Variants in TFCP2 observed in about 807,000 individuals in gnomAD.
The protein encoded by TFCP2 is transcription factor CP2.
In TFCP2, 33 loss-of-function variants were observed where a neutral mutation model predicts 73.4. That is an observed-to-expected ratio of 0.45 (90% CI 0.34 to 0.60). The LOEUF (loss-of-function observed/expected upper bound fraction) is 0.60, where lower values mean the gene tolerates loss of function less well. Ranked by LOEUF, TFCP2 falls within the 20% of genes least tolerant of loss-of-function variation. The pLI, the probability that TFCP2 is intolerant of heterozygous loss-of-function variation, is 0.01. For missense variants in TFCP2, 352 were observed against 604.0 expected (o/e 0.58, Z 4.37); for synonymous variants, 193 against 211.6 (o/e 0.91, Z 0.76).
intron 1 of TFCP2, among the ~76,000 whole-genome samples, chr12:51,166,919 C>T (rs1941768869): frequency 6.6e-6 from 1 of 152,164 alleles, no homozygotes; most frequent in South Asian, 2.1e-4. Flanking sequence ...TCATCACAAA[C>T]AATTTTAGAA....
chr12:51,117,047 A>G (rs1940545429), intron 3 of TFCP2, among the ~76,000 whole-genome samples: 1 of 152,066 alleles, frequency 6.6e-6, no homozygotes, highest in Non-Finnish European at 1.5e-5. Flanking sequence ...CTGTTATACC[A>G]CGGCCTATCT....
intron 1 of TFCP2, among the ~76,000 whole-genome samples, chr12:51,171,598 G>C (rs1241654049): frequency 6.6e-6 from 1 of 151,662 alleles, no homozygotes; most frequent in Admixed American, 6.6e-5. Flanking sequence ...CGATGGTCTC[G>C]AACTCCTGAG....
chr12:51,167,359 A>G (rs746818077), intron 1 of TFCP2, among the ~76,000 whole-genome samples: 28 of 151,600 alleles, frequency 1.8e-4, no homozygotes, highest in Non-Finnish European at 3.2e-4. Context: ...CAAAGAGAGT[A>G]TTTTCCCTAA....
At chr12:51,106,162 C>G (rs1940234323) in intron 8 of TFCP2, among the ~76,000 whole-genome samples, 1 of 152,024 alleles carries the variant, frequency 6.6e-6, no homozygotes. Flanking sequence ...TCCCAAAGAC[C>G]ACTGTCTGGT....
intron 1 of TFCP2, among the ~76,000 whole-genome samples, chr12:51,121,787 C>T (rs1566210452): frequency 6.6e-6 from 1 of 151,946 alleles, no homozygotes; most frequent in African/African-American, 2.4e-5. Context: ...GTTAACATTC[C>T]CCATGTTCAA....
At chr12:51,161,706 T>C (rs1228235176) in intron 1 of TFCP2, among the ~76,000 whole-genome samples, 1 of 138,626 alleles carries the variant, frequency 7.2e-6, no homozygotes, top group Non-Finnish European at 1.5e-5. Flanking sequence ...ATAATAATAA[T>C]TTTTTTTCTT....
rs1189395512 is a variant in TFCP2, at chr12:51,096,152, A to T, written c.1420-112T>A. Reference sequence around the variant, plus strand: ...GAGGGATTTATATGGGAGGCTTTACAGGTCACAAATAATGTATTTCTTGAA... The same window carrying T: ...GAGGGATTTATATGGGAGGCTTTACTGGTCACAAATAATGTATTTCTTGAA... On this transcript the variant is annotated intron_variant, in intron 13 of 14. Coordinates refer to ENST00000257915, the MANE Select transcript of TFCP2 (RefSeq NM_005653.5). The T allele has an allele frequency of 3.9e-6, 3 of 769,144 alleles. No individual in the cohort carries two copies. In the Admixed American group the frequency reaches 7.6e-5, roughly 19 times the overall value. The allele number at this position is 769,144 out of a possible 1,614,324, so 47.6% of individuals were successfully genotyped here.
chr12:51,132,301 TAAC>T (rs1362744193), intron 1 of TFCP2, among the ~76,000 whole-genome samples: 2 of 144,056 alleles, frequency 1.4e-5, no homozygotes, highest in Non-Finnish European at 3.0e-5. Flanking sequence ...TAACTTGCTT[TAAC>T]AACAAGAATG....
chr12:51,155,175 G>A (rs1941512122), intron 1 of TFCP2, among the ~76,000 whole-genome samples: 1 of 152,194 alleles, frequency 6.6e-6, no homozygotes. Flanking sequence ...ACTTACACCA[G>A]TAGCCTCTCA....
rs1009854726 is a variant in TFCP2, at chr12:51,172,633, C to G, written c.-211G>C. 130 of 565,348 alleles carry G rather than the reference C, an allele frequency of 2.3e-4. 1 individual carries two copies. The East Asian group carries it at 4.2e-3, about 18-fold the overall frequency. The allele number at this position is 565,348 out of a possible 1,614,324, so 35.0% of individuals were successfully genotyped here. On this transcript the variant is annotated 5_prime_UTR_variant, in exon 1 of 15. Transcript: ENST00000257915. ...TGCTCGTTCTTGGCTGCCCCAGGTT[C>G]CAAAATCCCCCCTGCCCAGCTCTCA...
intron 8 of TFCP2, among the ~76,000 whole-genome samples, chr12:51,105,323 A>G (rs991078459): frequency 1.1e-4 from 16 of 151,776 alleles, no homozygotes; most frequent in Non-Finnish European, 2.4e-4. Context: ...CGAACTCCTG[A>G]CATCGTAATC....
At chr12:51,161,547 G>A (rs906379110) in intron 1 of TFCP2, among the ~76,000 whole-genome samples, 32 of 151,828 alleles carry the variant, frequency 2.1e-4, no homozygotes, top group African/African-American at 6.8e-4. Flanking sequence ...GGGCATGGTG[G>A]TGCATGCCTG....
chr12:51,162,372 G>A (rs1941667022), intron 1 of TFCP2, among the ~76,000 whole-genome samples: 1 of 151,958 alleles, frequency 6.6e-6, no homozygotes, highest in Admixed American at 6.6e-5. Context: ...CCTGAACCCA[G>A]GAGGTGGAGG....
At chr12:51,149,036 A>AAAAAAAAAAAAAAAAC in intron 1 of TFCP2, among the ~76,000 whole-genome samples, 1 of 148,994 alleles carries the variant, frequency 6.7e-6, no homozygotes, top group Non-Finnish European at 1.5e-5. Context: ...AAAAAAAAAA[A>AAAAAAAAAAAAAAAAC]AAAAACAGAA....
At chr12:51,113,691 GCATAAA>G (rs1940453590) in intron 4 of TFCP2, among the ~76,000 whole-genome samples, 2 of 152,138 alleles carry the variant, frequency 1.3e-5, no homozygotes, top group Non-Finnish European at 2.9e-5. Context: ...TGAGGTATAG[GCATAAA>G]GACAGACATT....
intron 5 of TFCP2, among the ~76,000 whole-genome samples, chr12:51,110,230 A>G (rs1940364187): frequency 6.6e-6 from 1 of 152,206 alleles, no homozygotes; most frequent in Admixed American, 6.5e-5. Context: ...TCAAATTTTA[A>G]GTATAAATAT....
At chr12:51,117,848 A>C (rs764767105) in intron 2 of TFCP2, 101 bp from the exon 3 acceptor site, 21 of 701,670 alleles carry the variant, frequency 3.0e-5, no homozygotes, top group Non-Finnish European at 4.5e-5. Context: ...CAGTATAATA[A>C]TATTATTAGT....
chr12:51,096,050 G>T lies in TFCP2; in HGVS notation c.1420-10C>A, dbSNP rs781044677. 15 of 1,611,452 alleles carry T rather than the reference G, an allele frequency of 9.3e-6. No individual in the cohort carries two copies. The South Asian group carries it at 1.5e-4, about 17-fold the overall frequency. On this transcript the variant is annotated splice_polypyrimidine_tract_variant and intron_variant, in intron 13 of 14. Transcript: ENST00000257915. Reference sequence around the variant, plus strand: ...GAAAGTTCTGTATCATCTGAAAAATGCAAGAAAATTTGTGATTATTTAAAT... The same window carrying T: ...GAAAGTTCTGTATCATCTGAAAAATTCAAGAAAATTTGTGATTATTTAAAT...
intron 1 of TFCP2, among the ~76,000 whole-genome samples, chr12:51,153,747 G>A (rs1941478754): frequency 6.6e-6 from 1 of 152,162 alleles, no homozygotes; most frequent in Admixed American, 6.6e-5. Context: ...TTTCAAGCCT[G>A]AATAATATTC....
Sources: gnomAD v4.1 joint callset for allele counts (sites outside exome capture counted in the v4.1 genomes callset) on GRCh38, gnomAD v4.1.1 for gene constraint, MANE v1.5 for transcripts, NCBI Gene and HGNC (gene_info 2026-07-23, HGNC 2026-07-21) for gene names.